The following IMPACT variants were observed in gnomAD, a reference collection of about 807,000 sequenced individuals.
The protein encoded by IMPACT is protein IMPACT.
A neutral mutation model predicts 47.5 loss-of-function variants in IMPACT; 35 were observed. That is an observed-to-expected ratio of 0.74 (90% CI 0.56 to 0.98). The LOEUF (loss-of-function observed/expected upper bound fraction) is 0.98. Ranked by LOEUF, IMPACT falls within the 50% of genes least tolerant of loss-of-function variation. The pLI is 0.00. For synonymous variants in IMPACT, 118 were observed against 125.6 expected (o/e 0.94, Z 0.40); for missense variants, 373 against 394.8 (o/e 0.94, Z 0.47).
intron 4 of IMPACT, among the ~76,000 whole-genome samples, chr18:24,432,790 T>G (rs897972227): frequency 1.7e-4 from 26 of 152,158 alleles, no homozygotes; most frequent in African/African-American, 5.8e-4. Flanking sequence ...ATTTTTCAGC[T>G]CTTACCTAAC....
At chr18:24,443,376 T>C (rs1027809689) in intron 7 of IMPACT, among the ~76,000 whole-genome samples, 1 of 152,156 alleles carries the variant, frequency 6.6e-6, no homozygotes, top group Admixed American at 6.5e-5. Flanking sequence ...TCTCACCATG[T>C]TGCCCAGGCT....
chr18:24,431,523 T>A (rs1323237510), intron 4 of IMPACT, among the ~76,000 whole-genome samples: 1 of 151,948 alleles, frequency 6.6e-6, no homozygotes, highest in Admixed American at 6.6e-5. Context: ...AAGATTTTCT[T>A]TTTTTTGAGA....
At chr18:24,443,242 G>T in intron 7 of IMPACT, 90 bp downstream of exon 7, 2 of 558,474 alleles carry the variant, frequency 3.6e-6, no homozygotes, top group East Asian at 3.2e-5. Flanking sequence ...TTACTTTTAT[G>T]TTTTATTTTC....
intron 8 of IMPACT, among the ~76,000 whole-genome samples, chr18:24,446,219 A>G (rs1270230746): frequency 6.6e-6 from 1 of 151,960 alleles, no homozygotes; most frequent in African/African-American, 2.4e-5. Flanking sequence ...GCGAGCCACC[A>G]TGCCCGGCAT....
chr18:24,444,801 A>G (rs8182394), intron 7 of IMPACT, among the ~76,000 whole-genome samples: 6 of 152,172 alleles, frequency 3.9e-5, no homozygotes, highest in African/African-American at 1.4e-4. Flanking sequence ...CTGAAATTCA[A>G]ATTTAACTGG....
At position 24,451,423 on chromosome 18, in the gene IMPACT, G is replaced by A. The variant is rs912780036; in HGVS notation, c.*576G>A. 2 of 152,186 alleles carry A rather than the reference G, an allele frequency of 1.3e-5. No individual in the cohort carries two copies. The highest frequency in any genetic ancestry group is 2.9e-5 in the Non-Finnish European group (2 of 68,050). 9.4% of individuals were successfully genotyped at this position (152,186 alleles called of 1,614,324 possible). A position where few individuals can be genotyped will look rare whatever the true frequency, so the allele number is the denominator to read the frequency against. On this transcript the variant is annotated 3_prime_UTR_variant, in exon 11 of 11. Transcript: ENST00000284202. ...GAGTATCCATCTGCAGTTATGTGCT[G>A]AGGTGATAATTCATCCAACATATTT...
intron 5 of IMPACT, 94 bp downstream of exon 5, chr18:24,438,134 A>T: frequency 3.2e-6 from 2 of 633,770 alleles, no homozygotes; most frequent in South Asian, 4.3e-5. Flanking sequence ...GAAAATCTGT[A>T]TTCTGGTTTA....
intron 9 of IMPACT, among the ~76,000 whole-genome samples, chr18:24,449,413 T>C (rs568818384): frequency 7.2e-5 from 11 of 152,338 alleles, no homozygotes; most frequent in Admixed American, 7.2e-4. Context: ...TATTGATGCC[T>C]CGTGCAGCCC....
chr18:24,426,874 C>T (rs1908622036), intron 1 of IMPACT, 82 bp downstream of exon 1: 5 of 1,029,934 alleles, frequency 4.9e-6, no homozygotes, highest in African/African-American at 1.7e-5. Flanking sequence ...CCGAGGGGCC[C>T]TCCGCCTGGG....
chr18:24,431,498 G>A (rs1490911789), intron 4 of IMPACT, among the ~76,000 whole-genome samples: 1 of 152,000 alleles, frequency 6.6e-6, no homozygotes, highest in Admixed American at 6.6e-5. Context: ...GTTTTAAGTA[G>A]TAGGGTGCCA....
chr18:24,444,314 A>G (rs1381695634), intron 7 of IMPACT, among the ~76,000 whole-genome samples: 1 of 152,178 alleles, frequency 6.6e-6, no homozygotes, highest in South Asian at 2.1e-4. Context: ...GTCATTGTCT[A>G]TTTTATTGAT....
intron 4 of IMPACT, among the ~76,000 whole-genome samples, chr18:24,437,361 C>CTGA (rs1229170431): frequency 6.6e-6 from 1 of 152,086 alleles, no homozygotes; most frequent in Non-Finnish European, 1.5e-5. Flanking sequence ...ATTTAGTTAC[C>CTGA]TGAGGCAACC....
chr18:24,442,918 A>G (rs1000698220), intron 6 of IMPACT, 131 bp from the exon 7 acceptor site: 3 of 481,794 alleles, frequency 6.2e-6, no homozygotes, highest in Non-Finnish European at 1.1e-5. Context: ...TTTGGTAGAT[A>G]GCGATTAATG....
chr18:24,426,691 C>A lies in IMPACT; in HGVS notation c.-66C>A, dbSNP rs1227758065. On this transcript the variant is annotated 5_prime_UTR_variant, in exon 1 of 11. Coordinates refer to ENST00000284202, the MANE Select transcript of IMPACT (RefSeq NM_018439.4). ...CCGCAGCCAGCTCTCGGCTCGCAGC[C>A]GCAGCGCCCCGCCCCCGCGCTCCGG... 3 of 1,177,216 alleles carry A rather than the reference C, an allele frequency of 2.5e-6. No individual in the cohort carries two copies. The highest frequency in any genetic ancestry group is 3.2e-6 in the Non-Finnish European group (3 of 936,628). 72.9% of individuals were successfully genotyped at this position (1,177,216 alleles called of 1,614,324 possible).
rs529037196 is a variant in IMPACT, at chr18:24,443,298, T to C, written c.594+146T>C. ...GTTCATTTTTCTACTCCCAAATTAC[T>C]GTGAATCACGGAAGATTTGTTTTGT... is the stretch of plus-strand genomic sequence containing the variant. On this transcript the variant is annotated intron_variant, in intron 7 of 10. Coordinates refer to ENST00000284202, the MANE Select transcript of IMPACT (RefSeq NM_018439.4). 1.1e-5 allele frequency: 5 copies of C among 475,792 alleles called. No individual in the cohort carries two copies. In the South Asian group the frequency reaches 1.3e-4, roughly 13 times the overall value. The allele number at this position is 475,792 out of a possible 1,614,324, so 29.5% of individuals were successfully genotyped here.
intron 4 of IMPACT, among the ~76,000 whole-genome samples, chr18:24,432,301 ATAATT>A (rs1182236439): frequency 6.6e-6 from 1 of 152,214 alleles, no homozygotes; most frequent in Non-Finnish European, 1.5e-5. Flanking sequence ...TTTTAATGAA[ATAATT>A]TAGTAAAACA....
At chr18:24,436,723 A>T (rs1032879476) in intron 4 of IMPACT, among the ~76,000 whole-genome samples, 38 of 150,502 alleles carry the variant, frequency 2.5e-4, no homozygotes, top group African/African-American at 9.3e-4. Context: ...TAATTTTTGT[A>T]TTTTTTTTGT....
chr18:24,432,210 A>G (rs892383592), intron 4 of IMPACT, among the ~76,000 whole-genome samples: 1 of 152,214 alleles, frequency 6.6e-6, no homozygotes, highest in Non-Finnish European at 1.5e-5. Flanking sequence ...AGTGTTTGGA[A>G]GGTAGCAAGA....
rs1391007628 is a variant in IMPACT at position 24,448,289 on chromosome 18, TAA to T, written c.759+107_759+108del. The T allele has an allele frequency of 9.8e-6, 6 of 613,354 alleles. No homozygotes were observed. In the Admixed American group the frequency reaches 1.6e-4, roughly 17 times the overall value. The allele number at this position is 613,354 out of a possible 1,614,324, so 38.0% of individuals were successfully genotyped here. A position where few individuals can be genotyped will look rare whatever the true frequency, so the allele number is the denominator to read the frequency against. The stretch of plus-strand genomic sequence containing the variant: ...GCTAAGTCAGTTGAACTATGTAACA[TAA>T]GATATATTTGATTTAATTAGTAGTT... On this transcript the variant is annotated intron_variant, in intron 9 of 10. Transcript: ENST00000284202.
Sources: allele counts gnomAD v4.1 joint callset (sites outside exome capture counted in the v4.1 genomes callset), GRCh38; gene constraint gnomAD v4.1.1; transcripts MANE v1.5; gene names NCBI Gene and HGNC (gene_info 2026-07-23, HGNC 2026-07-21).